TRPS1: variants seen among roughly 807,000 people sequenced by gnomAD.
TRPS1 encodes zinc finger transcription factor Trps1.
In TRPS1, 6 loss-of-function variants were observed where a neutral mutation model predicts 101.2. That is an observed-to-expected ratio of 0.06 (90% confidence interval 0.03 to 0.12). The LOEUF (loss-of-function observed/expected upper bound fraction) is 0.12. TRPS1 is among the 10% of genes least tolerant of loss of function. The probability of loss-of-function intolerance (pLI) is 1.00; values close to 1 mark genes in which losing one functional copy is unlikely to be tolerated. For synonymous variants in TRPS1, 578 were observed against 589.8 expected, an observed-to-expected ratio of 0.98 and a Z score of 0.29; for missense variants, 1,363 against 1,567.0, an observed-to-expected ratio of 0.87 and a Z score of 2.20.
chr8:115,638,241 A>G (rs727582), intron 1 of TRPS1, among the ~76,000 whole-genome samples: 55,605 of 152,084 alleles, frequency 0.37, 10,518 homozygotes, highest in Admixed American at 0.44. Flanking sequence ...CTCCCCGGTA[A>G]TCACTCAAGT....
At chr8:115,605,071 G>T in intron 3 of TRPS1, 69 bp from the exon 4 acceptor site, 1 of 1,466,560 alleles carries the variant, frequency 6.8e-7, no homozygotes, top group Non-Finnish European at 9.5e-7. Flanking sequence ...TGCAGGGGAG[G>T]GGGAGGGTAC....
intron 5 of TRPS1, among the ~76,000 whole-genome samples, chr8:115,466,806 T>G (rs967002313): frequency 1.1e-4 from 17 of 152,120 alleles, no homozygotes; most frequent in Admixed American, 1.1e-3. Context: ...AAACTTTAAC[T>G]CCTCAACTTT....
chr8:115,632,939 G>A (rs758170254), intron 1 of TRPS1, among the ~76,000 whole-genome samples: 4 of 152,070 alleles, frequency 2.6e-5, no homozygotes, highest in Non-Finnish European at 5.9e-5. Flanking sequence ...ATAATTCATT[G>A]AGCTACAGAC....
intron 5 of TRPS1, among the ~76,000 whole-genome samples, chr8:115,558,862 C>T (rs1475400324): frequency 6.6e-6 from 1 of 151,934 alleles, no homozygotes; most frequent in Non-Finnish European, 1.5e-5. Flanking sequence ...CTTTGGAATG[C>T]TAATGTGGTA....
At chr8:115,596,927 A>T (rs1186995992) in intron 4 of TRPS1, among the ~76,000 whole-genome samples, 1 of 151,918 alleles carries the variant, frequency 6.6e-6, no homozygotes, top group East Asian at 1.9e-4. Flanking sequence ...TATTCCGTCA[A>T]AATTATTCTT....
At chr8:115,511,608 A>T (rs920626359) in intron 5 of TRPS1, among the ~76,000 whole-genome samples, 5 of 151,842 alleles carry the variant, frequency 3.3e-5, no homozygotes, top group African/African-American at 1.2e-4. Flanking sequence ...CAGAGTTGGG[A>T]CCTGACAAAG....
At chr8:115,570,689 TCACACACACACACACA>T (rs35198890) in intron 5 of TRPS1, among the ~76,000 whole-genome samples, 1 of 95,754 alleles carries the variant, frequency 1.0e-5, no homozygotes. Flanking sequence ...ACACACACAC[TCACACACACACACACA>T]CACACACACA....
At chr8:115,510,883 A>G (rs1271923410) in intron 5 of TRPS1, among the ~76,000 whole-genome samples, 1 of 151,942 alleles carries the variant, frequency 6.6e-6, no homozygotes. Flanking sequence ...AGAAAGCTTC[A>G]TTCAACTGAA....
At chr8:115,516,770 T>C (rs758172810) in intron 5 of TRPS1, among the ~76,000 whole-genome samples, 3 of 151,466 alleles carry the variant, frequency 2.0e-5, no homozygotes, top group Non-Finnish European at 4.4e-5. Context: ...GGTTAAAGAG[T>C]ATGAATAAAG....
At chr8:115,510,004 T>C (rs1440455771) in intron 5 of TRPS1, among the ~76,000 whole-genome samples, 2 of 152,002 alleles carry the variant, frequency 1.3e-5, no homozygotes, top group African/African-American at 4.8e-5. Context: ...CATCAATGGT[T>C]GAACCCTGAT....
Position 115,668,719 on chromosome 8 carries a change from G to GAA in TRPS1, c.-297_-296insTT, listed in dbSNP as rs1237484491. ...TCCCTCCCCCACCCTTATTAAAAAAGAGAGAGAGAGAGAGAGAGAGAGAAA... is the reference window on the plus strand; with the variant it reads ...TCCCTCCCCCACCCTTATTAAAAAAGAAAGAGAGAGAGAGAGAGAGAGAGAAA... On this transcript the variant is annotated 5_prime_UTR_variant, in exon 1 of 7. Transcript: ENST00000395715. 5 of 13,538 alleles carry GAA rather than the reference G, an allele frequency of 3.7e-4. No homozygotes were observed. The highest frequency in any genetic ancestry group is 1.0e-3 in the African/African-American group (5 of 4,948). 0.8% of individuals were successfully genotyped at this position (13,538 alleles called of 1,614,324 possible).
intron 5 of TRPS1, among the ~76,000 whole-genome samples, chr8:115,533,546 A>G (rs1816204553): frequency 6.6e-6 from 1 of 150,550 alleles, no homozygotes; most frequent in African/African-American, 2.4e-5. Context: ...GGATTAAATA[A>G]CATAAAGGTT....
intron 5 of TRPS1, among the ~76,000 whole-genome samples, chr8:115,448,076 CA>C (rs1467375155): frequency 1.3e-5 from 2 of 151,996 alleles, no homozygotes; most frequent in African/African-American, 4.8e-5. Flanking sequence ...TATATAGATT[CA>C]ATATAATAAA....
intron 3 of TRPS1, among the ~76,000 whole-genome samples, chr8:115,618,513 G>A (rs774855861): frequency 6.6e-6 from 1 of 152,138 alleles, no homozygotes. Context: ...CTTAAATGCA[G>A]AAAGGAATGC....
At chr8:115,593,254 T>G (rs1404916150) in intron 4 of TRPS1, among the ~76,000 whole-genome samples, 2 of 152,230 alleles carry the variant, frequency 1.3e-5, no homozygotes, top group East Asian at 3.8e-4. Flanking sequence ...CATTTTTTCT[T>G]TATCATTGTT....
intron 3 of TRPS1, among the ~76,000 whole-genome samples, chr8:115,614,202 G>A (rs62512211): frequency 6.6e-6 from 1 of 152,220 alleles, no homozygotes; most frequent in Admixed American, 6.5e-5. Flanking sequence ...ATGGTTAGCA[G>A]AGCAGGCCAT....
chr8:115,435,189 T>TCTAGCTAGCTAC (rs1813418506), intron 5 of TRPS1, among the ~76,000 whole-genome samples: 1 of 152,206 alleles, frequency 6.6e-6, no homozygotes, highest in African/African-American at 2.4e-5. Flanking sequence ...AATCAATTTA[T>TCTAGCTAGCTAC]TGACCTATCT....
intron 3 of TRPS1, among the ~76,000 whole-genome samples, chr8:115,617,011 CAGT>C (rs1586462014): frequency 1.3e-5 from 2 of 152,262 alleles, no homozygotes; most frequent in East Asian, 3.9e-4. Flanking sequence ...TTTTCTGCAG[CAGT>C]ATCTGGCATA....
In TRPS1 at chr8:115,428,742, C is replaced by T. The variant is rs987756729; in HGVS notation, c.2701-10290G>A. On this transcript the variant is annotated intron_variant, in intron 5 of 6. Coordinates refer to ENST00000395715, the MANE Select transcript of TRPS1 (RefSeq NM_014112.5). ...ACACGGGGAATGGGGCAGTGGGAGA[C>T]TAAAAAAAAATGAACCTGAATTTCA... 1.3e-4 allele frequency among the ~76,000 whole-genome samples: 19 copies of T among 151,496 alleles called. No individual in the cohort carries two copies. The East Asian group carries it at 3.7e-3, about 29-fold the overall frequency.
Sources: allele counts gnomAD v4.1 joint callset (sites outside exome capture counted in the v4.1 genomes callset), GRCh38; gene constraint gnomAD v4.1.1; transcripts MANE v1.5; gene names NCBI Gene and HGNC (gene_info 2026-07-23, HGNC 2026-07-21).